The following KCTD5 variants were observed in gnomAD, a reference collection of about 807,000 sequenced individuals.
KCTD5 encodes the protein potassium channel tetramerization domain containing 5.
In KCTD5, 12 loss-of-function variants were observed where a neutral mutation model predicts 27.9. That is an observed-to-expected ratio of 0.43 (90% CI 0.28 to 0.70). The LOEUF is 0.70. KCTD5 is among the 30% of genes least tolerant of loss of function. The pLI, the probability that KCTD5 is intolerant of heterozygous loss-of-function variation, is 0.19. For missense variants in KCTD5, 226 were observed against 274.8 expected (o/e 0.82, Z 1.26); for synonymous variants, 147 against 121.4 (o/e 1.21, Z -1.39).
At chr16:2,700,039 G>A in intron 4 of KCTD5, 123 bp downstream of exon 4, 1 of 868,388 alleles carries the variant, frequency 1.2e-6, no homozygotes. Context: ...GCAGTTCTGG[G>A]GGTGCTCACG....
At position 2,682,738 on chromosome 16, in the gene KCTD5, C is replaced by T; in HGVS notation, c.190C>T (p.Arg64Trp). 6.2e-7 allele frequency: 1 copy of T among 1,610,874 alleles called. No homozygotes were observed. The highest frequency in any genetic ancestry group is 1.1e-5 in the South Asian group (1 of 90,636). The change falls in exon 1 of 6, where the codon CGG becomes TGG. Residue 64 changes from arginine to tryptophan, a missense_variant. This residue lies in a region of KCTD5 where 135 missense variants were observed against 207.0 expected (regional missense o/e 0.65). Coordinates refer to ENST00000301738, the MANE Select transcript of KCTD5 (RefSeq NM_018992.4). ...YFLTTRQTLC[R>W]DPKSFLYRLC... ...CCTCACCACTCGGCAGACCCTGTGC[C>T]GGGACCCGAAATCCTTCCTGTACCG... is the stretch of plus-strand genomic sequence containing the variant.
At chr16:2,691,083 C>T (rs749193489) in intron 1 of KCTD5, among the ~76,000 whole-genome samples, 3 of 152,198 alleles carry the variant, frequency 2.0e-5, no homozygotes, top group Admixed American at 1.3e-4. Flanking sequence ...CTGGGAGCAC[C>T]AAGACCCTGC....
Position 2,707,420 on chromosome 16 carries a change from C to T in KCTD5, c.*93C>T, listed in dbSNP as rs1365947603. ...AGGAAGCTTGGCTGTGAGAAGAAAC[C>T]TGCTTTTGATCATTTTTCTAGAGAT... On this transcript the variant is annotated 3_prime_UTR_variant, in exon 6 of 6. Transcript: ENST00000301738. 1 of 1,294,026 alleles carries T rather than the reference C, an allele frequency of 7.7e-7. No homozygotes were observed. Among genetic ancestry groups the T allele is most frequent in the African/African-American group, 1.5e-5 (1 of 68,442 alleles). 80.2% of individuals were successfully genotyped at this position (1,294,026 alleles called of 1,614,324 possible).
intron 4 of KCTD5, among the ~76,000 whole-genome samples, chr16:2,702,043 C>T (rs1055361461): frequency 3.9e-5 from 6 of 152,246 alleles, no homozygotes; most frequent in Non-Finnish European, 8.8e-5. Context: ...TCCCTCCGCC[C>T]CAGCTCAGGG....
At chr16:2,694,053 G>C (rs1455567742) in intron 1 of KCTD5, among the ~76,000 whole-genome samples, 1 of 135,064 alleles carries the variant, frequency 7.4e-6, no homozygotes, top group East Asian at 2.2e-4. Context: ...GAGCTGAGCG[G>C]TGTGCGGACG....
intron 3 of KCTD5, chr16:2,699,320 G>A (rs557654608): frequency 2.8e-5 from 12 of 428,394 alleles, no homozygotes; most frequent in South Asian, 1.6e-4. Flanking sequence ...GCAGGTGGGG[G>A]ATTAGGAGGT....
At chr16:2,690,667 C>T (rs1366110690) in intron 1 of KCTD5, among the ~76,000 whole-genome samples, 1 of 152,242 alleles carries the variant, frequency 6.6e-6, no homozygotes, top group Non-Finnish European at 1.5e-5. Context: ...CTGGCCGCCT[C>T]TCCTCATCCC....
chr16:2,704,103 A>G (rs1276327898), intron 5 of KCTD5, among the ~76,000 whole-genome samples: 7 of 152,324 alleles, frequency 4.6e-5, no homozygotes, highest in South Asian at 4.1e-4. Context: ...CATGACCCCA[A>G]ATCCCTTTGT....
At chr16:2,699,534 C>A (rs1013137162) in intron 3 of KCTD5, among the ~76,000 whole-genome samples, 1 of 152,202 alleles carries the variant, frequency 6.6e-6, no homozygotes. Context: ...GCTCTCGTGT[C>A]GTCATGTCGA....
At chr16:2,697,375 C>T (rs2067590990) in intron 2 of KCTD5, 1 of 154,428 alleles carries the variant, frequency 6.5e-6, no homozygotes, top group African/African-American at 2.4e-5. Context: ...GTGACCCTCT[C>T]AGCCAGCCAC....
intron 4 of KCTD5, among the ~76,000 whole-genome samples, chr16:2,701,311 G>T (rs997616829): frequency 2.6e-5 from 4 of 152,192 alleles, no homozygotes; most frequent in Non-Finnish European, 5.9e-5. Flanking sequence ...CCCAGTTCAT[G>T]TAGGGAAGCC....
intron 5 of KCTD5, among the ~76,000 whole-genome samples, chr16:2,703,042 T>C (rs907609076): frequency 6.6e-6 from 1 of 152,186 alleles, no homozygotes; most frequent in African/African-American, 2.4e-5. Context: ...GCACCCAGCC[T>C]GGCAGCACCG....
At chr16:2,690,700 C>G (rs953479728) in intron 1 of KCTD5, among the ~76,000 whole-genome samples, 7 of 152,180 alleles carry the variant, frequency 4.6e-5, no homozygotes, top group African/African-American at 1.7e-4. Flanking sequence ...GTGAGCGGGC[C>G]GGGGCATCTT....
intron 1 of KCTD5, among the ~76,000 whole-genome samples, chr16:2,687,216 A>T (rs976180571): frequency 4.9e-4 from 75 of 152,238 alleles, no homozygotes; most frequent in African/African-American, 1.5e-3. Context: ...TGAGAAAAGG[A>T]CTCGACTCTG....
Position 2,682,696 on chromosome 16 carries a change from G to A in KCTD5, c.148G>A (p.Val50Ile), listed in dbSNP as rs1329954093. The A allele has an allele frequency of 6.2e-7, 1 of 1,609,814 alleles. No individual in the cohort carries two copies. The highest frequency in any genetic ancestry group is 8.5e-7 in the Non-Finnish European group (1 of 1,178,700). The change falls in exon 1 of 6, where the codon GTC becomes ATC. Residue 50 changes from valine (V) to isoleucine (I), a missense_variant. Physicochemically the swap from Val to Ile is conservative, Grantham distance 29. Around this residue, in one of 2 missense-constraint regions of KCTD5, gnomAD observed 135 missense variants for 207.0 expected, o/e 0.65. Transcript: ENST00000301738. ...CGTGTCCAAGTGGGTCCGACTCAAC[G>A]TCGGCGGCACCTACTTCCTCACCAC... Reference protein sequence around the residue: ...GSVSKWVRLNVGGTYFLTTRQ... With the variant: ...GSVSKWVRLNIGGTYFLTTRQ...
intron 4 of KCTD5, among the ~76,000 whole-genome samples, chr16:2,701,958 G>T (rs976577870): frequency 1.3e-5 from 2 of 152,164 alleles, no homozygotes; most frequent in African/African-American, 4.8e-5. Context: ...AGCGGCTTTC[G>T]GTCCAGTCAG....
intron 1 of KCTD5, chr16:2,683,538 C>G (rs2142050088): frequency 6.6e-6 from 1 of 151,280 alleles, no homozygotes; most frequent in African/African-American, 2.4e-5. Context: ...TAGTTTGCAG[C>G]TTGTCTTTCA....
chr16:2,682,605 G>A lies in KCTD5; in HGVS notation c.57G>A (p.Gly19=), dbSNP rs1187165238. 2.6e-6 allele frequency: 4 copies of A among 1,515,362 alleles called. No homozygotes were observed. Among genetic ancestry groups the A allele is most frequent in the Non-Finnish European group, 3.5e-6 (4 of 1,137,354 alleles). The allele number at this position is 1,515,362 out of a possible 1,614,324, so 93.9% of individuals were successfully genotyped here. The change falls in exon 1 of 6, where the codon GGG becomes GGA. Residue 19 remains glycine (G), a synonymous_variant. Coordinates refer to ENST00000301738, the MANE Select transcript of KCTD5 (RefSeq NM_018992.4). ...CGGCCCGGGGCGGCATCGGGGCGGG[G>A]CTGGGGGGCGGCCTGTGCCGCCGCT... ...LSPARGGIGA[G]LGGGLCRRCS... is the part of the protein sequence containing the mutation.
At chr16:2,686,442 C>T (rs1451303826) in intron 1 of KCTD5, 2 of 3,470 alleles carry the variant, frequency 5.8e-4, no homozygotes, top group African/African-American at 2.5e-3. Context: ...TGGTCCCCGG[C>T]CCATAGGCAT....
Sources: allele counts gnomAD v4.1 joint callset (sites outside exome capture counted in the v4.1 genomes callset), GRCh38; gene constraint gnomAD v4.1.1; regional missense constraint gnomAD v4.1.1; transcripts MANE v1.5; gene names NCBI Gene and HGNC (gene_info 2026-07-23, HGNC 2026-07-21).